Variants in SULT6B1 observed in about 807,000 individuals in gnomAD.
The protein encoded by SULT6B1 is sulfotransferase 6B1.
In SULT6B1, 44 loss-of-function variants were observed where a neutral mutation model predicts 37.2. The observed-to-expected ratio is 1.18, with a 90% CI of 0.93 to 1.52. The LOEUF is 1.52. Among genes scored for constraint, SULT6B1 ranks in the 40% most tolerant of loss-of-function variants. The pLI, the probability that SULT6B1 is intolerant of heterozygous loss-of-function variation, is 0.00. For missense variants in SULT6B1, 450 were observed against 361.0 expected (o/e 1.25, Z -2.00); for synonymous variants, 140 against 126.0 (o/e 1.11, Z -0.74).
upstream of SULT6B1, among the ~76,000 whole-genome samples, chr2:37,192,499 A>G (rs902864146): frequency 6.6e-6 from 1 of 152,218 alleles, no homozygotes; most frequent in Non-Finnish European, 1.5e-5. Context: ...TTATATTTCT[A>G]TACATCACTC....
chr2:37,180,951 A>G (rs1033560735), intron 3 of SULT6B1, among the ~76,000 whole-genome samples: 1 of 152,184 alleles, frequency 6.6e-6, no homozygotes, highest in African/African-American at 2.4e-5. Context: ...ACCTGCTGGG[A>G]GGTTTTTAAT....
chr2:37,195,252 A>G (rs1339241014), intron 1 of SULT6B1, among the ~76,000 whole-genome samples: 2 of 151,980 alleles, frequency 1.3e-5, no homozygotes, highest in African/African-American at 4.8e-5. Context: ...ACCAAGCCCC[A>G]ATAGCTTTTT....
intron 6 of SULT6B1, among the ~76,000 whole-genome samples, chr2:37,169,057 T>G (rs1403958533): frequency 2.0e-5 from 3 of 152,214 alleles, no homozygotes; most frequent in African/African-American, 7.2e-5. Context: ...GGAAGAAATT[T>G]GGATAATTTT....
At chr2:37,185,907 TC>T (rs950348914) in intron 2 of SULT6B1, among the ~76,000 whole-genome samples, 6 of 152,120 alleles carry the variant, frequency 3.9e-5, no homozygotes, top group African/African-American at 1.4e-4. Context: ...TGTTGGTCCA[TC>T]CTACGTTCCT....
chr2:37,189,116 C>A (rs1676733358), upstream of SULT6B1, among the ~76,000 whole-genome samples: 1 of 152,094 alleles, frequency 6.6e-6, no homozygotes, highest in Admixed American at 6.6e-5. Flanking sequence ...GATTTGGGGG[C>A]AGTCTTAGGC....
chr2:37,192,519 G>T (rs1676800243), upstream of SULT6B1, among the ~76,000 whole-genome samples: 1 of 152,178 alleles, frequency 6.6e-6, no homozygotes, highest in Non-Finnish European at 1.5e-5. Context: ...CCCACTTGAA[G>T]GCCTTCTTGC....
Position 37,185,356 on chromosome 2 carries a change from A to G in SULT6B1, c.313-1842T>C, listed in dbSNP as rs1439909064. Among the ~76,000 whole-genome samples, 9 of 152,202 alleles carry G rather than the reference A, an allele frequency of 5.9e-5. No individual in the cohort carries two copies. The South Asian group carries it at 1.4e-3, about 24-fold the overall frequency. On this transcript the variant is annotated intron_variant, in intron 2 of 6. Coordinates refer to ENST00000535679, the MANE Select transcript of SULT6B1 (RefSeq NM_001367551.1). ...TTATTTAAGGAAAAATATGTACTCCAGAAAAGTTCTCTGTAAAGCAAATAA... is the reference window on the plus strand; with the variant it reads ...TTATTTAAGGAAAAATATGTACTCCGGAAAAGTTCTCTGTAAAGCAAATAA...
chr2:37,193,880 G>A (rs988836989), intron 1 of SULT6B1, among the ~76,000 whole-genome samples: 6 of 152,186 alleles, frequency 3.9e-5, no homozygotes, highest in African/African-American at 1.4e-4. Flanking sequence ...AATCAGGCTA[G>A]GACCAGGAAG....
chr2:37,192,576 T>C (rs1676802069), upstream of SULT6B1, among the ~76,000 whole-genome samples: 1 of 152,216 alleles, frequency 6.6e-6, no homozygotes, highest in Admixed American at 6.5e-5. Context: ...AAAGGTGTAT[T>C]TAAGAATTTC....
chr2:37,172,826 G>GTTTT (rs1007986472), intron 5 of SULT6B1, among the ~76,000 whole-genome samples: 2 of 146,424 alleles, frequency 1.4e-5, no homozygotes, highest in African/African-American at 5.1e-5. Context: ...ACATTTGCTT[G>GTTTT]TTTGTTTGTT....
chr2:37,186,670 T>C (rs1676680189), intron 2 of SULT6B1, among the ~76,000 whole-genome samples: 1 of 151,872 alleles, frequency 6.6e-6, no homozygotes, highest in Non-Finnish European at 1.5e-5. Flanking sequence ...GGTGGGAGGA[T>C]CACTTGAGCC....
intron 3 of SULT6B1, among the ~76,000 whole-genome samples, chr2:37,179,944 G>A (rs146115255): frequency 2.8e-3 from 425 of 152,242 alleles, no homozygotes; most frequent in African/African-American, 9.3e-3. Flanking sequence ...TGTTAAGGAC[G>A]ACAAAAATAA....
At chr2:37,183,036 T>C (rs1162674223) in intron 3 of SULT6B1, among the ~76,000 whole-genome samples, 1 of 152,116 alleles carries the variant, frequency 6.6e-6, no homozygotes, top group Non-Finnish European at 1.5e-5. Flanking sequence ...ATTTTAAATA[T>C]ATTTGAAAAA....
intron 4 of SULT6B1, among the ~76,000 whole-genome samples, chr2:37,175,489 G>C (rs557197478): frequency 1.2e-4 from 18 of 152,038 alleles, no homozygotes; most frequent in African/African-American, 3.9e-4. Context: ...AAAACTATAA[G>C]ACATTCATGA....
rs144454418 is a variant in SULT6B1 at position 37,180,089 on chromosome 2, G to C, written c.403-505C>G. Reference sequence around the variant, plus strand: ...TCTTTGATGAGGAAAGTGTTCCTTTGGATGAGTAGCATGAAATAAACATCG... The same window carrying C: ...TCTTTGATGAGGAAAGTGTTCCTTTCGATGAGTAGCATGAAATAAACATCG... On this transcript the variant is annotated intron_variant, in intron 3 of 6. Coordinates refer to ENST00000535679, the MANE Select transcript of SULT6B1 (RefSeq NM_001367551.1). Among the ~76,000 whole-genome samples, 1,027 of 152,240 alleles carry C rather than the reference G, an allele frequency of 6.7e-3. 10 individuals carry two copies. The highest frequency in any genetic ancestry group is 0.023 in the African/African-American group (974 of 41,532).
At chr2:37,171,689 C>G (rs1046719411) in intron 5 of SULT6B1, 99 bp from the exon 6 acceptor site, 1 of 1,066,676 alleles carries the variant, frequency 9.4e-7, no homozygotes, top group Non-Finnish European at 1.3e-6. Context: ...AGCCTAACTC[C>G]CTAGTTCATC....
At chr2:37,185,721 A>AAAAAAAAAC (rs1676658506) in intron 2 of SULT6B1, among the ~76,000 whole-genome samples, 1 of 131,072 alleles carries the variant, frequency 7.6e-6, no homozygotes, top group Non-Finnish European at 1.6e-5. Flanking sequence ...CCATTTCAAA[A>AAAAAAAAAC]AAAAAAAAAA....
At chr2:37,178,904 T>G (rs1358557001) in intron 4 of SULT6B1, among the ~76,000 whole-genome samples, 2 of 152,250 alleles carry the variant, frequency 1.3e-5, no homozygotes, top group African/African-American at 2.4e-5. Context: ...ATGTCTTTTC[T>G]ATGGCCACTC....
In SULT6B1 at chr2:37,188,488, G is replaced by A. The variant is rs1320327574; in HGVS notation, c.153C>T (p.Phe51=). The change falls in exon 1 of 7, where the codon TTC becomes TTT. Residue 51 remains phenylalanine, a synonymous_variant. Coordinates refer to ENST00000535679, the MANE Select transcript of SULT6B1 (RefSeq NM_001367551.1). ...TSETFQALDT[F]EARHDDIVLA... ...GCACGATGTCATCATGTCTGGCTTCGAAGGTGTCCAGCGCTTGGAAAGTTT... is the reference window on the plus strand; with the variant it reads ...GCACGATGTCATCATGTCTGGCTTCAAAGGTGTCCAGCGCTTGGAAAGTTT... The A allele has an allele frequency of 1.2e-6, 2 of 1,614,156 alleles. No homozygotes were observed. The highest frequency in any genetic ancestry group is 1.7e-6 in the Non-Finnish European group (2 of 1,180,002).
Sources: allele counts gnomAD v4.1 joint callset (sites outside exome capture counted in the v4.1 genomes callset), GRCh38; gene constraint gnomAD v4.1.1; transcripts MANE v1.5; gene names NCBI Gene and HGNC (gene_info 2026-07-23, HGNC 2026-07-21).